Variants in PTPRM observed in about 807,000 individuals in gnomAD.
The protein encoded by PTPRM is protein tyrosine phosphatase receptor type M.
Under a neutral mutation model 186.7 loss-of-function variants are expected in PTPRM, and 47 were observed. That is an observed-to-expected ratio of 0.25 (90% CI 0.20 to 0.32). PTPRM has a LOEUF of 0.32. PTPRM is among the 10% of genes least tolerant of loss of function. PTPRM has a pLI of 1.00. For synonymous variants in PTPRM, 668 were observed against 674.9 expected, an observed-to-expected ratio of 0.99 and a Z score of 0.16; for missense variants, 1,494 against 1,865.0, an observed-to-expected ratio of 0.80 and a Z score of 3.66.
chr18:7,934,955 G>A (rs901202834), intron 5 of PTPRM, among the ~76,000 whole-genome samples: 2 of 152,088 alleles, frequency 1.3e-5, no homozygotes, highest in African/African-American at 4.8e-5. Flanking sequence ...GTATGTATGC[G>A]ATGTTGCCTT....
chr18:8,133,162 C>G (rs1352314760), intron 13 of PTPRM, among the ~76,000 whole-genome samples: 1 of 152,130 alleles, frequency 6.6e-6, no homozygotes, highest in Non-Finnish European at 1.5e-5. Flanking sequence ...ACTCTGACCT[C>G]ATGACTTAAT....
At chr18:8,395,130 T>A (rs1223271251) in intron 32 of PTPRM, among the ~76,000 whole-genome samples, 1 of 152,174 alleles carries the variant, frequency 6.6e-6, no homozygotes, top group Non-Finnish European at 1.5e-5. Flanking sequence ...GAGTATTTTA[T>A]GAAATCTCTT....
At chr18:7,731,479 G>A (rs1044527946) in intron 1 of PTPRM, among the ~76,000 whole-genome samples, 2 of 152,146 alleles carry the variant, frequency 1.3e-5, no homozygotes, top group Admixed American at 6.5e-5. Context: ...GTAGAGTTAG[G>A]AGGGCACCTG....
chr18:7,951,772 G>C (rs748713729), intron 6 of PTPRM, among the ~76,000 whole-genome samples: 1 of 152,046 alleles, frequency 6.6e-6, no homozygotes, highest in Non-Finnish European at 1.5e-5. Context: ...GATACTACTA[G>C]TTTTATAAGG....
intron 1 of PTPRM, among the ~76,000 whole-genome samples, chr18:7,624,546 C>T (rs1941142): frequency 0.058 from 8,777 of 151,808 alleles, 313 homozygotes; most frequent in African/African-American, 0.098. Flanking sequence ...AGTGCAGTGG[C>T]GTCATCATGG....
At chr18:8,107,093 G>A (rs2091556627) in intron 11 of PTPRM, among the ~76,000 whole-genome samples, 1 of 152,170 alleles carries the variant, frequency 6.6e-6, no homozygotes, top group Non-Finnish European at 1.5e-5. Context: ...GACTATTTAA[G>A]AGAACATACT....
chr18:7,901,369 T>C (rs1171564522), intron 3 of PTPRM, among the ~76,000 whole-genome samples: 1 of 151,234 alleles, frequency 6.6e-6, no homozygotes, highest in East Asian at 1.9e-4. Context: ...AGCTGCATGT[T>C]TTTTTTTTCT....
At chr18:7,725,704 A>T (rs958950258) in intron 1 of PTPRM, among the ~76,000 whole-genome samples, 1 of 152,012 alleles carries the variant, frequency 6.6e-6, no homozygotes, top group African/African-American at 2.4e-5. Flanking sequence ...TCTGGCCAGG[A>T]CGGCTGGACT....
chr18:8,025,896 G>A (rs938984064), intron 7 of PTPRM, among the ~76,000 whole-genome samples: 1 of 152,188 alleles, frequency 6.6e-6, no homozygotes, highest in Non-Finnish European at 1.5e-5. Flanking sequence ...CTTCAGTTAT[G>A]TGTGCTGCAC....
intron 14 of PTPRM, among the ~76,000 whole-genome samples, chr18:8,152,434 C>T (rs1247265442): frequency 6.6e-6 from 1 of 152,136 alleles, no homozygotes; most frequent in Non-Finnish European, 1.5e-5. Context: ...TCTAGTCAAG[C>T]CCCAGGACAA....
At chr18:7,683,505 C>G (rs2039526825) in intron 1 of PTPRM, among the ~76,000 whole-genome samples, 1 of 152,074 alleles carries the variant, frequency 6.6e-6, no homozygotes, top group Non-Finnish European at 1.5e-5. Flanking sequence ...ACCATCCTTT[C>G]CTTTCTTTCT....
At chr18:7,946,093 T>C (rs1395763996) in intron 5 of PTPRM, among the ~76,000 whole-genome samples, 1 of 152,214 alleles carries the variant, frequency 6.6e-6, no homozygotes, top group Non-Finnish European at 1.5e-5. Flanking sequence ...GTTTATTTTA[T>C]AGGGCCCATC....
intron 2 of PTPRM, among the ~76,000 whole-genome samples, chr18:7,812,207 C>G (rs1168013026): frequency 6.6e-6 from 1 of 152,092 alleles, no homozygotes; most frequent in Non-Finnish European, 1.5e-5. Context: ...CTCTGCCCAT[C>G]ATTCACTTCC....
chr18:7,736,979 A>G (rs1194280058), intron 1 of PTPRM, among the ~76,000 whole-genome samples: 2 of 151,970 alleles, frequency 1.3e-5, no homozygotes, highest in African/African-American at 4.8e-5. Context: ...TAATTTTTAT[A>G]TTTTTAGTAG....
chr18:8,142,529 T>A (rs1244309227), intron 13 of PTPRM, among the ~76,000 whole-genome samples: 1 of 152,032 alleles, frequency 6.6e-6, no homozygotes, highest in Non-Finnish European at 1.5e-5. Flanking sequence ...TTTGTCCTCC[T>A]GGTCTTGGGG....
At chr18:7,817,475 C>A (rs564289776) in intron 2 of PTPRM, among the ~76,000 whole-genome samples, 5 of 152,146 alleles carry the variant, frequency 3.3e-5, no homozygotes, top group African/African-American at 7.2e-5. Context: ...TTGTACTACT[C>A]CTGCTCTTTT....
chr18:8,363,399 A>C (rs1278953248), intron 23 of PTPRM, among the ~76,000 whole-genome samples: 1 of 152,108 alleles, frequency 6.6e-6, no homozygotes, highest in Admixed American at 6.5e-5. Flanking sequence ...TGTGACCCTG[A>C]CACATGTGAA....
chr18:8,268,502 A>C (rs777845118), intron 19 of PTPRM, among the ~76,000 whole-genome samples: 2 of 152,126 alleles, frequency 1.3e-5, no homozygotes, highest in African/African-American at 4.8e-5. Flanking sequence ...CAAACATTTA[A>C]AGAAGAATTA....
intron 1 of PTPRM, among the ~76,000 whole-genome samples, chr18:7,679,086 A>G (rs185126934): frequency 6.6e-6 from 1 of 152,332 alleles, no homozygotes; most frequent in Admixed American, 6.5e-5. Flanking sequence ...TATCAGGTAA[A>G]AAATGAGATT....
Sources: gnomAD v4.1 joint callset for allele counts (sites outside exome capture counted in the v4.1 genomes callset) on GRCh38, gnomAD v4.1.1 for gene constraint, MANE v1.5 for transcripts, NCBI Gene and HGNC (gene_info 2026-07-23, HGNC 2026-07-21) for gene names.